SPECC1: variants seen among roughly 807,000 people sequenced by gnomAD.
The protein encoded by SPECC1 is cytospin-B.
SPECC1 carries 62 observed loss-of-function variants against 104.1 expected under a neutral mutation model. The observed-to-expected ratio is 0.60, with a 90% confidence interval of 0.49 to 0.74. The LOEUF (loss-of-function observed/expected upper bound fraction) is 0.74. Ranked by LOEUF, SPECC1 falls within the 30% of genes least tolerant of loss-of-function variation. SPECC1 has a pLI of 0.00. For missense variants in SPECC1, 1,306 were observed against 1,310.5 expected (o/e 1.00, Z 0.05); for synonymous variants, 513 against 501.6 (o/e 1.02, Z -0.30).
Position 20,318,324 on chromosome 17 carries a change from T to C in SPECC1, c.*4259T>C. On this transcript the variant is annotated 3_prime_UTR_variant, in exon 15 of 15. Coordinates refer to ENST00000395527, the MANE Select transcript of SPECC1 (RefSeq NM_001243439.2). ...CTGCGGGGATAACATTCTCAGGAGCTTCTCTTGTCCTAGCCCCTTCTCATT... is the reference window on the plus strand; with the variant it reads ...CTGCGGGGATAACATTCTCAGGAGCCTCTCTTGTCCTAGCCCCTTCTCATT... 1 of 232,324 alleles carries C rather than the reference T, an allele frequency of 4.3e-6. No homozygotes were observed. Among genetic ancestry groups the C allele is most frequent in the Non-Finnish European group, 8.5e-6 (1 of 117,372 alleles). 14.4% of individuals were successfully genotyped at this position (232,324 alleles called of 1,614,324 possible).
chr17:20,062,743 C>T (rs369332582), intron 1 of SPECC1, among the ~76,000 whole-genome samples: 2 of 151,350 alleles, frequency 1.3e-5, no homozygotes, highest in South Asian at 4.2e-4. Flanking sequence ...GGCTGGAGTG[C>T]ACTGGTGGGA....
chr17:20,069,225 A>T (rs1597645197), intron 1 of SPECC1, among the ~76,000 whole-genome samples: 2 of 152,390 alleles, frequency 1.3e-5, no homozygotes, highest in Admixed American at 1.3e-4. Context: ...TTCCTGCATT[A>T]GCTGGAGGCT....
At chr17:20,265,257 G>T (rs533802474) in intron 12 of SPECC1, among the ~76,000 whole-genome samples, 3 of 152,082 alleles carry the variant, frequency 2.0e-5, no homozygotes, top group Non-Finnish European at 4.4e-5. Context: ...TTTCTCCATG[G>T]CCTCGCTAGC....
rs148259508 is a variant in SPECC1, at chr17:20,190,446, G to A, written c.284-13887G>A. Among the ~76,000 whole-genome samples the A allele has an allele frequency of 1.6e-3, 240 of 152,030 alleles. 2 individuals are homozygous for A. Among genetic ancestry groups the A allele is most frequent in the African/African-American group, 5.4e-3 (225 of 41,436 alleles). ...CCATTTCTTGTCCCTCTTCTCAAAG[G>A]TAAACACTTTATTATGCTTTTACTG... On this transcript the variant is annotated intron_variant, in intron 3 of 14. Transcript: ENST00000395527.
In SPECC1 at chr17:20,318,317, C is replaced by T. The variant is rs2042065084; in HGVS notation, c.*4252C>T. ...CCCCGCCCTGCGGGGATAACATTCT[C>T]AGGAGCTTCTCTTGTCCTAGCCCCT... On this transcript the variant is annotated 3_prime_UTR_variant, in exon 15 of 15. Transcript: ENST00000395527. 3 of 232,310 alleles carry T rather than the reference C, an allele frequency of 1.3e-5. No homozygotes were observed. 14.4% of individuals were successfully genotyped at this position (232,310 alleles called of 1,614,324 possible). A position where few individuals can be genotyped will look rare whatever the true frequency, so the allele number is the denominator to read the frequency against.
At chr17:20,278,700 TC>T (rs2040656499) in intron 12 of SPECC1, among the ~76,000 whole-genome samples, 1 of 50,120 alleles carries the variant, frequency 2.0e-5, no homozygotes, top group Non-Finnish European at 4.2e-5. Context: ...TGAGACCCTG[TC>T]TCTCTCTCTC....
At chr17:20,084,033 G>A (rs1225587101) in intron 1 of SPECC1, among the ~76,000 whole-genome samples, 2 of 152,166 alleles carry the variant, frequency 1.3e-5, no homozygotes, top group Admixed American at 1.3e-4. Flanking sequence ...AATATCTTGT[G>A]TGGTGAAGTT....
intron 1 of SPECC1, among the ~76,000 whole-genome samples, chr17:20,038,947 T>G (rs2045209931): frequency 6.6e-6 from 1 of 152,232 alleles, no homozygotes; most frequent in African/African-American, 2.4e-5. Flanking sequence ...AAGCGTTAGA[T>G]ATAATCCACA....
At chr17:20,222,466 C>T (rs2037943441) in intron 4 of SPECC1, among the ~76,000 whole-genome samples, 2 of 152,082 alleles carry the variant, frequency 1.3e-5, no homozygotes. Context: ...CTGTTAGTTC[C>T]ATTTGTTTTG....
At chr17:20,252,869 C>A (rs1424051150) in intron 9 of SPECC1, among the ~76,000 whole-genome samples, 2 of 152,086 alleles carry the variant, frequency 1.3e-5, no homozygotes, top group Non-Finnish European at 2.9e-5. Context: ...TTTCAATTTT[C>A]TTGGATAAAT....
At chr17:20,078,357 A>G (rs1021667821) in intron 1 of SPECC1, among the ~76,000 whole-genome samples, 5 of 151,964 alleles carry the variant, frequency 3.3e-5, no homozygotes, top group African/African-American at 4.8e-5. Flanking sequence ...ACAGACACCA[A>G]AGAAAAATGG....
At position 20,232,251 on chromosome 17, in the gene SPECC1, G is replaced by A; in HGVS notation, c.2197G>A (p.Val733Met). The A allele has an allele frequency of 3.1e-6, 5 of 1,614,218 alleles. No individual in the cohort carries two copies. The highest frequency in any genetic ancestry group is 1.3e-5 in the African/African-American group (1 of 75,070). ...CCAGGCGGATCTGCAGACCGCAGTGGTGGTGGCCAATGACATCAAGTGTGA... is the reference window on the plus strand; with the variant it reads ...CCAGGCGGATCTGCAGACCGCAGTGATGGTGGCCAATGACATCAAGTGTGA... Reference protein sequence around the residue: ...RFQADLQTAVVVANDIKCEAQ... With the variant: ...RFQADLQTAVMVANDIKCEAQ... The change falls in exon 7 of 15, where the codon GTG (valine) becomes ATG (methionine). Residue 733 changes from valine to methionine, a missense_variant. By Grantham distance (21) the Val-to-Met change is conservative (BLOSUM62 1). Transcript: ENST00000395527.
intron 1 of SPECC1, among the ~76,000 whole-genome samples, chr17:20,064,287 C>T (rs1050075803): frequency 3.9e-5 from 6 of 152,138 alleles, no homozygotes; most frequent in African/African-American, 7.2e-5. Flanking sequence ...AGTCAGAGAA[C>T]GGGCACACCA....
intron 1 of SPECC1, among the ~76,000 whole-genome samples, chr17:20,057,071 T>C (rs1406745798): frequency 6.6e-6 from 1 of 152,138 alleles, no homozygotes. Context: ...ATGTAGAGAT[T>C]CTAGTGAAAT....
chr17:20,064,506 G>T (rs2046296612), intron 1 of SPECC1, among the ~76,000 whole-genome samples: 1 of 152,182 alleles, frequency 6.6e-6, no homozygotes, highest in African/African-American at 2.4e-5. Flanking sequence ...AGTGTGGGTG[G>T]CAGGTACATG....
chr17:20,183,355 C>T (rs2035040287), intron 3 of SPECC1, among the ~76,000 whole-genome samples: 1 of 152,188 alleles, frequency 6.6e-6, no homozygotes, highest in South Asian at 2.1e-4. Flanking sequence ...TCCAGGAATT[C>T]TGTCTTGTAG....
At chr17:20,133,680 CCTGTTGGGA>C (rs1461993121) in intron 3 of SPECC1, among the ~76,000 whole-genome samples, 3 of 152,144 alleles carry the variant, frequency 2.0e-5, no homozygotes, top group Admixed American at 6.5e-5. Context: ...TCCAGAACCA[CCTGTTGGGA>C]TGGAAAGAAA....
intron 3 of SPECC1, among the ~76,000 whole-genome samples, chr17:20,179,619 T>C (rs2034722757): frequency 6.6e-6 from 1 of 152,236 alleles, no homozygotes; most frequent in African/African-American, 2.4e-5. Context: ...GATCAAGTAC[T>C]CTTGCCCAGA....
chr17:20,117,242 C>A (rs2048806706), intron 3 of SPECC1, among the ~76,000 whole-genome samples: 1 of 151,686 alleles, frequency 6.6e-6, no homozygotes, highest in Non-Finnish European at 1.5e-5. Context: ...AAAATAAATT[C>A]TAGGAGGATT....
Sources: allele counts gnomAD v4.1 joint callset (sites outside exome capture counted in the v4.1 genomes callset), GRCh38; gene constraint gnomAD v4.1.1; transcripts MANE v1.5; gene names NCBI Gene and HGNC (gene_info 2026-07-23, HGNC 2026-07-21).